The following PCDHGB7 variants were observed in gnomAD, a reference collection of about 807,000 sequenced individuals.
The protein encoded by PCDHGB7 is protocadherin gamma-B7.
In PCDHGB7, 37 loss-of-function variants were observed where a neutral mutation model predicts 61.4. The observed-to-expected ratio is 0.60, with a 90% CI of 0.46 to 0.79. The LOEUF (loss-of-function observed/expected upper bound fraction) is 0.79. PCDHGB7 is among the 30% of genes least tolerant of loss of function. The pLI, the probability that PCDHGB7 is intolerant of heterozygous loss-of-function variation, is 0.00. For synonymous variants in PCDHGB7, 464 were observed against 503.5 expected, an observed-to-expected ratio of 0.92 and a Z score of 1.05; for missense variants, 1,166 against 1,202.5, an observed-to-expected ratio of 0.97 and a Z score of 0.45.
At chr5:141,500,326 A>T (rs1041431019) in intron 2 of PCDHGB7, among the ~76,000 whole-genome samples, 7 of 152,022 alleles carry the variant, frequency 4.6e-5, no homozygotes, top group Non-Finnish European at 1.0e-4. Context: ...CTCCTGCCTC[A>T]GCCTCCAGAA....
chr5:141,502,866 CTTTT>C (rs549047197), intron 2 of PCDHGB7, among the ~76,000 whole-genome samples: 1 of 128,042 alleles, frequency 7.8e-6, no homozygotes. Context: ...GACTCTCTGT[CTTTT>C]TTTTTTTTTT....
rs2099642802 is a variant in PCDHGB7, at chr5:141,487,311, CTAAG to C, written c.2416-7494_2416-7491del. The C allele has an allele frequency of 1.2e-6, 2 of 1,614,058 alleles. No individual in the cohort carries two copies. On this transcript the variant is annotated intron_variant, in intron 1 of 3. Coordinates refer to ENST00000398594, the MANE Select transcript of PCDHGB7 (RefSeq NM_018927.4). This position sits in a 1 kb window ranked among gnomAD's most constrained non-coding sequence, Gnocchi z 5.0. ...TTTGGCTCATTCGTGGCACTACTCTCTAAGTGTCTTCGTGGGGCAGCCTGTGGAG... is the reference window on the plus strand; with the variant it reads ...TTTGGCTCATTCGTGGCACTACTCTCTGTCTTCGTGGGGCAGCCTGTGGAG...
chr5:141,430,754 A>G (rs778266116), intron 1 of PCDHGB7: 26 of 1,503,884 alleles, frequency 1.7e-5, no homozygotes, highest in East Asian at 4.6e-5. Flanking sequence ...CTGGAGGAAG[A>G]TAAGAATGAT....
At chr5:141,447,370 C>A (rs2098536615) in intron 1 of PCDHGB7, among the ~76,000 whole-genome samples, 1 of 151,612 alleles carries the variant, frequency 6.6e-6, no homozygotes, top group African/African-American at 2.4e-5. Context: ...AACTCCTGAC[C>A]CTGGTGATCT....
chr5:141,473,798 T>C lies in PCDHGB7; in HGVS notation c.2416-21009T>C, dbSNP rs1202883137. 2.6e-5 allele frequency among the ~76,000 whole-genome samples: 4 copies of C among 152,350 alleles called. 1 individual carries two copies. The highest frequency in any genetic ancestry group is 6.8e-3 in the Middle Eastern group (2 of 294). On this transcript the variant is annotated intron_variant, in intron 1 of 3. Transcript: ENST00000398594. ...TTTTAATTCAAGAGCAGTATGATGCTACTGAGGAGCAGCTGGACAATTGTG... is the reference window on the plus strand; with the variant it reads ...TTTTAATTCAAGAGCAGTATGATGCCACTGAGGAGCAGCTGGACAATTGTG...
At chr5:141,421,141 G>A (rs7732160) in intron 1 of PCDHGB7, 49,996 of 938,386 alleles carry the variant, frequency 0.053, 1,680 homozygotes, top group African/African-American at 0.14. Flanking sequence ...TATTTTGGAT[G>A]TAGTCGGCCT....
chr5:141,431,867 A>C lies in PCDHGB7; in HGVS notation c.2415+11593A>C. On this transcript the variant is annotated intron_variant, in intron 1 of 3. Transcript: ENST00000398594. The surrounding 1 kb of genome is among the most constrained non-coding windows in gnomAD (Gnocchi z 4.8). ...CAGAGGGACATTAATTGCCCTTTTA[A>C]ATGTAAATGACCAAGATTCTGAGGA... 6.2e-7 allele frequency: 1 copy of C among 1,614,226 alleles called. No individual in the cohort carries two copies. Among genetic ancestry groups the C allele is most frequent in the Non-Finnish European group, 8.5e-7 (1 of 1,180,024 alleles).
intron 1 of PCDHGB7, chr5:141,433,160 A>G: frequency 1.9e-6 from 3 of 1,613,848 alleles, no homozygotes; most frequent in Middle Eastern, 1.7e-4. Context: ...GGTATTTTCT[A>G]AAGACAGTCA....
chr5:141,489,990 A>G lies in PCDHGB7; in HGVS notation c.2416-4817A>G. ...TCCAATCCTCAGTTCTACGTGTGGG[A>G]ATCCCAGAGAATGCACCCATTGGTA... is the stretch of plus-strand genomic sequence containing the variant. On this transcript the variant is annotated intron_variant, in intron 1 of 3. Transcript: ENST00000398594. This position sits in a 1 kb window ranked among gnomAD's most constrained non-coding sequence, Gnocchi z 4.5. 6.2e-7 allele frequency: 1 copy of G among 1,614,256 alleles called. No individual in the cohort carries two copies. Among genetic ancestry groups the G allele is most frequent in the Non-Finnish European group, 8.5e-7 (1 of 1,180,030 alleles).
intron 1 of PCDHGB7, among the ~76,000 whole-genome samples, chr5:141,437,990 C>G (rs1298325497): frequency 1.3e-5 from 2 of 152,148 alleles, no homozygotes; most frequent in Non-Finnish European, 2.9e-5. Flanking sequence ...CCCACCCCAC[C>G]TCAGCCTCCC....
intron 1 of PCDHGB7, chr5:141,428,481 C>T (rs2097141995): frequency 3.0e-6 from 1 of 331,008 alleles, no homozygotes; most frequent in Non-Finnish European, 5.8e-6. Flanking sequence ...TGCTTTATTC[C>T]TGCAATCTGT....
In PCDHGB7 at chr5:141,511,032, G is replaced by A; in HGVS notation, c.2649G>A (p.Gln883=). 1.2e-6 allele frequency: 2 copies of A among 1,614,228 alleles called. No homozygotes were observed. The highest frequency in any genetic ancestry group is 2.2e-5 in the East Asian group (1 of 44,888). The change falls in exon 4 of 4, where the codon CAG becomes CAA. Residue 883 remains glutamine, a synonymous_variant. Transcript: ENST00000398594. Reference sequence around the variant, plus strand: ...GCTACGGACCCCAGTTCACCCTGCAGCACGTGCCCGACTACCGCCAGAATG... The same window carrying A: ...GCTACGGACCCCAGTTCACCCTGCAACACGTGCCCGACTACCGCCAGAATG... ...SARYGPQFTL[Q]HVPDYRQNVY...
At chr5:141,426,714 C>T (rs779529448) in intron 1 of PCDHGB7, 2 of 444,724 alleles carry the variant, frequency 4.5e-6, no homozygotes, top group South Asian at 3.1e-5. Flanking sequence ...AATCAATGAA[C>T]TAGCAATTCC....
At chr5:141,463,108 T>G (rs1212278355) in intron 1 of PCDHGB7, among the ~76,000 whole-genome samples, 1 of 152,202 alleles carries the variant, frequency 6.6e-6, no homozygotes, top group Non-Finnish European at 1.5e-5. Flanking sequence ...CATCAAGAAT[T>G]CAGCTAATAG....
intron 1 of PCDHGB7, chr5:141,478,540 C>T (rs1221128622): frequency 6.2e-7 from 1 of 1,606,412 alleles, no homozygotes; most frequent in East Asian, 2.2e-5. Context: ...GCGCCCCTCC[C>T]GGACAGGTAA....
chr5:141,494,439 C>T (rs1009257996), intron 1 of PCDHGB7, among the ~76,000 whole-genome samples: 1 of 152,126 alleles, frequency 6.6e-6, no homozygotes, highest in Non-Finnish European at 1.5e-5. Flanking sequence ...CCTCCTTTGC[C>T]ACTTTAGGGG....
In PCDHGB7 at chr5:141,485,713, G is replaced by A. The variant is rs769162337; in HGVS notation, c.2416-9094G>A. The stretch of plus-strand genomic sequence containing the variant: ...TGAGCTCCAATGAACACTTTGCACT[G>A]GATGTGAAGAAGCGCAGCGACGGCA... On this transcript the variant is annotated intron_variant, in intron 1 of 3. Transcript: ENST00000398594. The surrounding 1 kb of genome is among the most constrained non-coding windows in gnomAD (Gnocchi z 5.7). 2 of 1,614,084 alleles carry A rather than the reference G, an allele frequency of 1.2e-6. No homozygotes were observed. The highest frequency in any genetic ancestry group is 1.3e-5 in the African/African-American group (1 of 74,942).
chr5:141,491,895 A>C lies in PCDHGB7; in HGVS notation c.2416-2912A>C. 1.4e-6 allele frequency: 2 copies of C among 1,434,306 alleles called. No individual in the cohort carries two copies. The highest frequency in any genetic ancestry group is 1.8e-6 in the Non-Finnish European group (2 of 1,084,904). 88.8% of individuals were successfully genotyped at this position (1,434,306 alleles called of 1,614,324 possible). Reference sequence around the variant, plus strand: ...CCGATTAAGGGATGGGGCTCCGAGCACCGGGGGTGGTGGCGACTGTGGGCG... The same window carrying C: ...CCGATTAAGGGATGGGGCTCCGAGCCCCGGGGGTGGTGGCGACTGTGGGCG... On this transcript the variant is annotated intron_variant, in intron 1 of 3. Transcript: ENST00000398594. The surrounding 1 kb of genome is among the most constrained non-coding windows in gnomAD (Gnocchi z 6.9).
At chr5:141,430,737 A>G in intron 1 of PCDHGB7, 1 of 1,498,286 alleles carries the variant, frequency 6.7e-7, no homozygotes, top group South Asian at 1.4e-5. Flanking sequence ...CAGAATTGAA[A>G]ATAATTCTGG....
Sources: allele counts gnomAD v4.1 joint callset (sites outside exome capture counted in the v4.1 genomes callset), GRCh38; gene constraint gnomAD v4.1.1; non-coding constraint Gnocchi (gnomAD v3.1); transcripts MANE v1.5; gene names NCBI Gene and HGNC (gene_info 2026-07-23, HGNC 2026-07-21).